The following CCNL2 variants were observed in gnomAD, a reference collection of about 807,000 sequenced individuals.
CCNL2 encodes cyclin-L2.
A neutral mutation model predicts 59.1 loss-of-function variants in CCNL2; 28 were observed. The ratio of observed to expected loss-of-function variants is 0.47; its 90% confidence interval spans 0.35 to 0.65. CCNL2 has a LOEUF of 0.65. Ranked by LOEUF, CCNL2 falls within the 30% of genes least tolerant of loss-of-function variation. The probability of loss-of-function intolerance (pLI) is 0.00; values close to 1 mark genes in which losing one functional copy is unlikely to be tolerated. For missense variants in CCNL2, 714 were observed against 717.4 expected (o/e 1.00, Z 0.05); for synonymous variants, 342 against 288.6 (o/e 1.19, Z -1.88).
chr1:1,390,888 A>G, intron 5 of CCNL2, 23 bp from the exon 6 acceptor site: 1 of 1,597,750 alleles, frequency 6.3e-7, no homozygotes, highest in Non-Finnish European at 8.6e-7. Flanking sequence ...CACAGGAAGA[A>G]CTGCAATGCC....
chr1:1,398,741 G>T, intron 1 of CCNL2, 70 bp from the exon 2 acceptor site: 1 of 1,418,590 alleles, frequency 7.0e-7, no homozygotes, highest in Non-Finnish European at 1.0e-6. Context: ...AAGTCATCGA[G>T]TAACGTGGGA....
Position 1,387,276 on chromosome 1 carries a change from A to T in CCNL2, c.1518T>A (p.Arg506=). ...ERSRSYERTG[R]RYERDHPGHS... ...GCCCAGGGTGGTCCCGCTCATAGCG[A>T]CGGCCTGTGCGTTCATACGACCTCG... The change falls in exon 11 of 11, where the codon CGT becomes CGA. Residue 506 remains arginine, a synonymous_variant. Transcript: ENST00000400809. 1.2e-6 allele frequency: 2 copies of T among 1,612,026 alleles called. No individual in the cohort carries two copies.
At chr1:1,397,530 T>C (rs1645106761) in intron 3 of CCNL2, among the ~76,000 whole-genome samples, 1 of 152,172 alleles carries the variant, frequency 6.6e-6, no homozygotes, top group African/African-American at 2.4e-5. Flanking sequence ...CCAGGGATGT[T>C]GCTGAATCCT....
intron 3 of CCNL2, among the ~76,000 whole-genome samples, chr1:1,396,579 T>G (rs1172953485): frequency 2.9e-5 from 4 of 137,314 alleles, no homozygotes; most frequent in Admixed American, 1.4e-4. Flanking sequence ...CTGTTTTTTT[T>G]TTTTTTTTTT....
At position 1,390,847 on chromosome 1, in the gene CCNL2, G is replaced by C; in HGVS notation, c.678C>G (p.Ser226Arg). 1 of 1,614,098 alleles carries C rather than the reference G, an allele frequency of 6.2e-7. No individual in the cohort carries two copies. Among genetic ancestry groups the C allele is most frequent in the South Asian group, 1.1e-5 (1 of 91,076 alleles). Residue 226 changes from serine to arginine, a missense_variant, in exon 6 of 11, where the codon AGC (serine) becomes AGG (arginine). Ser to Arg is a moderately radical substitution (Grantham distance 110, BLOSUM62 -1). Around this residue, in one of 5 missense-constraint regions of CCNL2, gnomAD observed 19 missense variants for 40.8 expected, o/e 0.47. Transcript: ENST00000400809. Reference protein sequence around the residue: ...VQTSWNYMNDSLRTDVFVRFQ... With the variant: ...VQTSWNYMNDRLRTDVFVRFQ... ...ACCGCACGAAGACGTCGGTGCGAAG[G>C]CTGTCGTTCATGTAATTCCTGGAAG...
At position 1,390,543 on chromosome 1, in the gene CCNL2, G is replaced by C. The variant is rs750356686; in HGVS notation, c.780C>G (p.Pro260=). The C allele has an allele frequency of 1.2e-6, 2 of 1,613,262 alleles. No individual in the cohort carries two copies. The highest frequency in any genetic ancestry group is 1.7e-6 in the Non-Finnish European group (2 of 1,179,608). Residue 260 remains proline (P), a synonymous_variant, in exon 7 of 11, where the codon CCC becomes CCG. Transcript: ENST00000400809. ...RTLEIPLPNR[P]HWFLLFGATE... ...TTGCTCCAAACAAAAGAAACCAATG[G>C]GGACGATTGGGCAAAGGGATCTGTA...
At position 1,390,276 on chromosome 1, in the gene CCNL2, T is replaced by C. The variant is rs1644692548; in HGVS notation, c.960A>G (p.Thr320=). Residue 320 remains threonine, a synonymous_variant, in exon 8 of 11, where the codon ACA becomes ACG. Transcript: ENST00000400809. ...ACCCCGAGGTACCATCCAGCACCTG[T>C]GTGCCCCCAGGCAACAGGCCCCGGG... The part of the protein sequence containing the change: ...AQARGLLPGG[T]QVLDGTSGFS... 1 of 1,613,872 alleles carries C rather than the reference T, an allele frequency of 6.2e-7. No homozygotes were observed. The highest frequency in any genetic ancestry group is 8.5e-7 in the Non-Finnish European group (1 of 1,179,796).
chr1:1,395,348 G>A (rs1216740447), intron 4 of CCNL2, 46 bp downstream of exon 4: 3 of 1,607,236 alleles, frequency 1.9e-6, no homozygotes, highest in Middle Eastern at 1.6e-4. Context: ...GGCCAGGCAG[G>A]AGCAGCGGCC....
At chr1:1,398,438 G>A (rs1645171345) in intron 2 of CCNL2, 96 bp from the exon 3 acceptor site, 1 of 1,582,844 alleles carries the variant, frequency 6.3e-7, no homozygotes, top group East Asian at 2.2e-5. Flanking sequence ...CCAAAAGGGA[G>A]GTGCACCCAG....
At chr1:1,393,228 C>G in intron 5 of CCNL2, 168 bp downstream of exon 5, 1 of 637,256 alleles carries the variant, frequency 1.6e-6, no homozygotes, top group South Asian at 1.9e-5. Context: ...CTGCCAGTGC[C>G]CATTTTGGGA....
At chr1:1,390,099 C>CA (rs1445985562) in intron 8 of CCNL2, 131 bp downstream of exon 8, 22 of 853,486 alleles carry the variant, frequency 2.6e-5, no homozygotes, top group Non-Finnish European at 3.6e-5. Flanking sequence ...GCCTGGGTGA[C>CA]AGAGACCCTG....
At chr1:1,397,965 C>A (rs1645135139) in intron 3 of CCNL2, among the ~76,000 whole-genome samples, 1 of 152,182 alleles carries the variant, frequency 6.6e-6, no homozygotes, top group Non-Finnish European at 1.5e-5. Flanking sequence ...AGCAGCAGGG[C>A]CGTGCACTGA....
At chr1:1,395,771 A>G (rs1043712655) in intron 3 of CCNL2, among the ~76,000 whole-genome samples, 7 of 152,200 alleles carry the variant, frequency 4.6e-5, no homozygotes, top group Admixed American at 6.5e-5. Flanking sequence ...TAGACCGAAC[A>G]TAGCAAGTTT....
At chr1:1,398,830 C>A (rs1350706814) in intron 1 of CCNL2, 159 bp from the exon 2 acceptor site, 34 of 1,283,820 alleles carry the variant, frequency 2.6e-5, no homozygotes, top group Non-Finnish European at 3.6e-5. Flanking sequence ...CGGGATCCAG[C>A]GCACTGGCGG....
At position 1,399,171 on chromosome 1, in the gene CCNL2, G is replaced by A. The variant is rs770549359; in HGVS notation, c.136C>T (p.Leu46Phe). Residue 46 changes from leucine to phenylalanine, a missense_variant, in exon 1 of 11, where the codon CTC becomes TTC. This residue lies in a region of CCNL2 where 270 missense variants were observed against 254.9 expected (regional missense o/e 1.06). Transcript: ENST00000400809. ...AGGAGGCAGTTCTCCAAGGTGATGAGCACCCCGGAGTACAGCCTGTCCCCG... is the reference window on the plus strand; with the variant it reads ...AGGAGGCAGTTCTCCAAGGTGATGAACACCCCGGAGTACAGCCTGTCCCCG... Reference protein sequence around the residue: ...LIGDRLYSGVLITLENCLLPD... With the variant: ...LIGDRLYSGVFITLENCLLPD... The A allele has an allele frequency of 5.0e-6, 8 of 1,611,682 alleles. No individual in the cohort carries two copies. Among genetic ancestry groups the A allele is most frequent in the Admixed American group, 3.3e-5 (2 of 59,972 alleles).
chr1:1,398,200 C>A, intron 3 of CCNL2, 33 bp downstream of exon 3: 1 of 1,600,646 alleles, frequency 6.2e-7, no homozygotes. Flanking sequence ...AAATAGGCAT[C>A]TATGATAGAC....
chr1:1,387,452 TC>T lies in CCNL2; in HGVS notation c.1341del (p.Lys448SerfsTer79). ...TGGGGGTACTTGCAGTCCTTGGACT[TC>T]CGGGAGCCCCGAATCTCAGAGCCTT... ...PYKGSEIRGSRKSKDCKYPQK... is the reference protein window; with the variant it reads ...PYKGSEIRGSXKSKDCKYPQK... On this transcript the variant is annotated frameshift_variant, in exon 11 of 11. Coordinates refer to ENST00000400809, the MANE Select transcript of CCNL2 (RefSeq NM_030937.6). LOFTEE classifies it high-confidence loss of function. The T allele has an allele frequency of 6.2e-7, 1 of 1,612,782 alleles. No homozygotes were observed. The highest frequency in any genetic ancestry group is 8.5e-7 in the Non-Finnish European group (1 of 1,179,812).
intron 5 of CCNL2, chr1:1,391,718 CA>C (rs1644772376): frequency 2.2e-6 from 1 of 452,298 alleles, no homozygotes; most frequent in Admixed American, 4.9e-5. Flanking sequence ...CAAAAATTTA[CA>C]TTTTTTAAAA....
chr1:1,391,808 T>C (rs1216550427), intron 5 of CCNL2: 5 of 311,590 alleles, frequency 1.6e-5, no homozygotes, highest in African/African-American at 8.9e-5. Context: ...AACCAGACCT[T>C]ACACTAGCTT....
Sources: allele counts gnomAD v4.1 joint callset (sites outside exome capture counted in the v4.1 genomes callset), GRCh38; gene constraint gnomAD v4.1.1; regional missense constraint gnomAD v4.1.1; transcripts MANE v1.5; gene names NCBI Gene and HGNC (gene_info 2026-07-23, HGNC 2026-07-21).